The following ARRB1 variants were observed in gnomAD, a reference collection of about 807,000 sequenced individuals.
The protein encoded by ARRB1 is beta-arrestin-1.
Under a neutral mutation model 56.8 loss-of-function variants are expected in ARRB1, and 21 were observed. The ratio of observed to expected loss-of-function variants is 0.37; its 90% CI spans 0.26 to 0.53. The LOEUF (loss-of-function observed/expected upper bound fraction) is 0.53, where lower values mean the gene tolerates loss of function less well. ARRB1 is among the 20% of genes least tolerant of loss of function. The probability of loss-of-function intolerance (pLI) is 0.88; values close to 1 mark genes in which losing one functional copy is unlikely to be tolerated. For missense variants in ARRB1, 424 were observed against 553.7 expected, an observed-to-expected ratio of 0.77 and a Z score of 2.35; for synonymous variants, 210 against 218.6, an observed-to-expected ratio of 0.96 and a Z score of 0.35.
intron 1 of ARRB1, among the ~76,000 whole-genome samples, chr11:75,335,578 C>T (rs1361271670): frequency 9.0e-6 from 1 of 111,222 alleles, no homozygotes; most frequent in Non-Finnish European, 1.8e-5. Context: ...GAGCCAGGCC[C>T]TGTCCCTGTC....
At chr11:75,307,282 G>T (rs941366140) in intron 1 of ARRB1, among the ~76,000 whole-genome samples, 8 of 152,178 alleles carry the variant, frequency 5.3e-5, no homozygotes, top group Admixed American at 1.3e-4. Flanking sequence ...CCATAAATGG[G>T]GTTTCTTGAG....
intron 5 of ARRB1, 25 bp from the exon 6 acceptor site, chr11:75,282,046 C>T: frequency 4.3e-6 from 7 of 1,612,482 alleles, no homozygotes; most frequent in Non-Finnish European, 5.1e-6. Flanking sequence ...ACAGAACGAG[C>T]CACCTGTCAC....
intron 1 of ARRB1, among the ~76,000 whole-genome samples, chr11:75,343,082 C>T (rs962779697): frequency 2.0e-5 from 3 of 152,182 alleles, no homozygotes; most frequent in Non-Finnish European, 4.4e-5. Context: ...AGCTCAGCGG[C>T]ATGCCAGGTC....
At chr11:75,323,302 A>C (rs1012431852) in intron 1 of ARRB1, among the ~76,000 whole-genome samples, 1 of 152,220 alleles carries the variant, frequency 6.6e-6, no homozygotes, top group African/African-American at 2.4e-5. Context: ...AGCAAAAGAT[A>C]AATGGAACAA....
At chr11:75,292,130 A>ATATT (rs5792684) in intron 1 of ARRB1, among the ~76,000 whole-genome samples, 129,553 of 150,632 alleles carry the variant, frequency 0.86, 55,852 homozygotes, top group Non-Finnish European at 0.89. Context: ...CTGCTCATAA[A>ATATT]TATTTATTTA....
At chr11:75,281,290 G>T in intron 6 of ARRB1, 148 bp from the exon 7 acceptor site, 1 of 773,814 alleles carries the variant, frequency 1.3e-6, no homozygotes, top group Non-Finnish European at 2.1e-6. Context: ...GAAGAAGCGG[G>T]GGAACGCCCT....
chr11:75,311,137 G>A (rs1409019985), intron 1 of ARRB1, among the ~76,000 whole-genome samples: 3 of 152,280 alleles, frequency 2.0e-5, no homozygotes, highest in Middle Eastern at 3.4e-3. Flanking sequence ...AGGAATTCGA[G>A]ACCAGCCTGA....
intron 1 of ARRB1, among the ~76,000 whole-genome samples, chr11:75,342,206 C>T (rs552694193): frequency 5.3e-5 from 8 of 152,290 alleles, no homozygotes; most frequent in Middle Eastern, 3.4e-3. Context: ...GGCATCTGCC[C>T]ACTTCTCTCC....
chr11:75,280,949 C>T, intron 7 of ARRB1, 126 bp downstream of exon 7: 1 of 1,183,024 alleles, frequency 8.5e-7, no homozygotes, highest in Non-Finnish European at 1.2e-6. Context: ...AGTGCCCTTC[C>T]AAGGCTGGAA....
intron 1 of ARRB1, among the ~76,000 whole-genome samples, chr11:75,305,494 G>A (rs1040011861): frequency 7.2e-5 from 11 of 152,168 alleles, no homozygotes; most frequent in Non-Finnish European, 1.2e-4. Context: ...TGCACATTCA[G>A]TGACTTCACA....
chr11:75,281,365 C>T (rs908259591), intron 6 of ARRB1, among the ~76,000 whole-genome samples: 21 of 152,158 alleles, frequency 1.4e-4, no homozygotes, highest in African/African-American at 4.3e-4. Context: ...ACCACCCAAA[C>T]GGGGCTCTGC....
Position 75,278,679 on chromosome 11 carries a change from G to A in ARRB1, c.548C>T (p.Thr183Ile). ...GAGGAACTGCCTGGTGGTCTCGGCT[G>A]TGGGCTGGGGGCCAGGCCTCTCTGG... ...YAPERPGPQP[T>I]AETTRQFLMS... Residue 183 changes from threonine (T) to isoleucine (I), a missense_variant, in exon 8 of 16, where the codon ACA (threonine) becomes ATA (isoleucine). Thr to Ile is a moderately conservative substitution (Grantham distance 89, BLOSUM62 -1). Transcript: ENST00000420843. 6.2e-6 allele frequency: 10 copies of A among 1,614,160 alleles called. No individual in the cohort carries two copies. Among genetic ancestry groups the A allele is most frequent in the Non-Finnish European group, 8.5e-6 (10 of 1,180,002 alleles).
intron 1 of ARRB1, among the ~76,000 whole-genome samples, chr11:75,309,046 A>C (rs545304504): frequency 6.6e-6 from 1 of 152,362 alleles, no homozygotes; most frequent in African/African-American, 2.4e-5. Context: ...GGGAAGAGAA[A>C]AGTTACCCAG....
Position 75,266,068 on chromosome 11 carries a change from C to T in ARRB1, c.*95G>A, listed in dbSNP as rs1448370678. The stretch of plus-strand genomic sequence containing the variant: ...GGCCCCCTGGTAGAAACTGGAAGAA[C>T]AAAGGGGAAAAGAAACCAGAACAGG... On this transcript the variant is annotated 3_prime_UTR_variant, in exon 16 of 16. Coordinates refer to ENST00000420843, the MANE Select transcript of ARRB1 (RefSeq NM_004041.5). 9 of 1,145,366 alleles carry T rather than the reference C, an allele frequency of 7.9e-6. No individual in the cohort carries two copies. The highest frequency in any genetic ancestry group is 1.5e-5 in the African/African-American group (1 of 65,536). The allele number at this position is 1,145,366 out of a possible 1,614,324, so 71.0% of individuals were successfully genotyped here.
At chr11:75,336,104 G>C (rs978131854) in intron 1 of ARRB1, among the ~76,000 whole-genome samples, 1 of 152,176 alleles carries the variant, frequency 6.6e-6, no homozygotes, top group Non-Finnish European at 1.5e-5. Context: ...TCTCAGTCTG[G>C]CATGGACAGC....
At chr11:75,270,486 G>A (rs1450439209) in intron 13 of ARRB1, among the ~76,000 whole-genome samples, 2 of 152,174 alleles carry the variant, frequency 1.3e-5, no homozygotes, top group East Asian at 3.8e-4. Context: ...AAATTAGCCG[G>A]GTGTGGTGGC....
intron 10 of ARRB1, among the ~76,000 whole-genome samples, chr11:75,275,329 T>C (rs1415073422): frequency 6.6e-6 from 1 of 151,840 alleles, no homozygotes; most frequent in African/African-American, 2.4e-5. Context: ...GTATTTTTAG[T>C]AGAGATGAGG....
chr11:75,273,723 C>T lies in ARRB1; in HGVS notation c.914+351G>A, dbSNP rs1177242779. ...CCATGTTGGGTCTAACCCAGCTCAC[C>T]ACCCTGGTCTCTCCTCAGGGACACC... On this transcript the variant is annotated intron_variant, in intron 11 of 15. Transcript: ENST00000420843. Among the ~76,000 whole-genome samples, 5 of 152,238 alleles carry T rather than the reference C, an allele frequency of 3.3e-5. No homozygotes were observed. In the East Asian group the frequency reaches 5.8e-4, roughly 18 times the overall value.
At chr11:75,295,710 C>A (rs1343574682) in intron 1 of ARRB1, among the ~76,000 whole-genome samples, 2 of 152,222 alleles carry the variant, frequency 1.3e-5, no homozygotes, top group African/African-American at 2.4e-5. Context: ...GCCTGCCATG[C>A]TCTCTTTCCT....
Sources: gnomAD v4.1 joint callset for allele counts (sites outside exome capture counted in the v4.1 genomes callset) on GRCh38, gnomAD v4.1.1 for gene constraint, MANE v1.5 for transcripts, NCBI Gene and HGNC (gene_info 2026-07-23, HGNC 2026-07-21) for gene names.